Variants in IL1RAPL1 observed in about 807,000 individuals in gnomAD.
IL1RAPL1 encodes the protein interleukin-1 receptor accessory protein-like 1.
In IL1RAPL1, 3 loss-of-function variants were observed where a neutral mutation model predicts 48.4. That is an observed-to-expected ratio of 0.06 (90% confidence interval 0.03 to 0.16). IL1RAPL1 has a LOEUF of 0.16. Ranked by LOEUF, IL1RAPL1 falls within the 10% of genes least tolerant of loss-of-function variation. IL1RAPL1 has a pLI of 1.00. For missense variants in IL1RAPL1, 349 were observed against 530.6 expected (o/e 0.66, Z 3.36); for synonymous variants, 185 against 187.7 (o/e 0.99, Z 0.12).
chrX:28,784,052 T>A (rs1408214245), intron 1 of IL1RAPL1, among the ~76,000 whole-genome samples: 1 of 112,114 alleles, frequency 8.9e-6, no homozygotes, highest in East Asian at 2.8e-4. Context: ...CTTTATAATT[T>A]GTGTTTAATT....
chrX:29,811,185 GAGA>G (rs1930374520), intron 6 of IL1RAPL1, among the ~76,000 whole-genome samples: 1 of 111,074 alleles, frequency 9.0e-6, no homozygotes, highest in Non-Finnish European at 1.9e-5. Context: ...GAGGAACAGA[GAGA>G]AGTAGAAAGA....
At chrX:28,981,535 C>T (rs180833637) in intron 2 of IL1RAPL1, among the ~76,000 whole-genome samples, 1 of 111,784 alleles carries the variant, frequency 8.9e-6, no homozygotes. Context: ...ATGATTTATT[C>T]CTCAAGGCCC....
At chrX:28,760,385 T>C (rs976836873) in intron 1 of IL1RAPL1, among the ~76,000 whole-genome samples, 1 of 111,834 alleles carries the variant, frequency 8.9e-6, no homozygotes, top group South Asian at 3.7e-4. Context: ...ACAGGGGTCA[T>C]TGACAATTTG....
rs900706282 is a variant in IL1RAPL1 at position 29,662,273 on chromosome X, C to T, written c.704-6157C>T. On this transcript the variant is annotated intron_variant, in intron 5 of 10. Transcript: ENST00000378993. ...TGCTCTTCCCTCTGCCTGGCATAAA[C>T]ATCCTCCAGGTTTTGCTATGACTCA... Among the ~76,000 whole-genome samples the T allele has an allele frequency of 8.1e-5, 9 of 111,651 alleles. No homozygotes were observed. The Admixed American group carries it at 8.6e-4, about 11-fold the overall frequency.
intron 5 of IL1RAPL1, among the ~76,000 whole-genome samples, chrX:29,558,275 C>CTGATG (rs1370377084): frequency 9.0e-6 from 1 of 111,731 alleles, no homozygotes; most frequent in African/African-American, 3.2e-5. Flanking sequence ...TTGCATTTCT[C>CTGATG]TGATGATTAG....
intron 5 of IL1RAPL1, among the ~76,000 whole-genome samples, chrX:29,499,240 A>T (rs1280707338): frequency 8.9e-6 from 1 of 112,136 alleles, no homozygotes; most frequent in African/African-American, 3.2e-5. Flanking sequence ...GACAGATTTA[A>T]TCAAGAAATG....
intron 6 of IL1RAPL1, among the ~76,000 whole-genome samples, chrX:29,692,435 A>G (rs548296188): frequency 2.7e-5 from 3 of 111,805 alleles, no homozygotes; most frequent in African/African-American, 6.5e-5. Flanking sequence ...TGAGCCACTT[A>G]TAGTAAATTT....
chrX:29,754,823 C>T (rs1928572049), intron 6 of IL1RAPL1, among the ~76,000 whole-genome samples: 1 of 110,290 alleles, frequency 9.1e-6, no homozygotes, highest in Non-Finnish European at 1.9e-5. Flanking sequence ...TGTTACGTAA[C>T]AAATTAGCAC....
intron 5 of IL1RAPL1, among the ~76,000 whole-genome samples, chrX:29,668,013 T>C (rs112949299): frequency 2.0e-4 from 22 of 111,307 alleles, no homozygotes; most frequent in African/African-American, 6.9e-4. Flanking sequence ...TTAAGAATAA[T>C]GAGATAAATT....
chrX:29,614,444 T>C (rs1450172363), intron 5 of IL1RAPL1, among the ~76,000 whole-genome samples: 1 of 112,610 alleles, frequency 8.9e-6, no homozygotes, highest in East Asian at 2.8e-4. Flanking sequence ...TTATAGTATT[T>C]AGTGCATAAA....
chrX:28,932,927 C>T (rs1481496124), intron 2 of IL1RAPL1, among the ~76,000 whole-genome samples: 2 of 111,235 alleles, frequency 1.8e-5, no homozygotes, highest in Non-Finnish European at 3.8e-5. Context: ...TACTGCCAAT[C>T]TTACTCTTCC....
At chrX:29,952,335 A>G (rs752810562) in intron 9 of IL1RAPL1, among the ~76,000 whole-genome samples, 2 of 111,686 alleles carry the variant, frequency 1.8e-5, no homozygotes, top group Non-Finnish European at 3.8e-5. Context: ...ATATGCCCAA[A>G]ATAATACTAC....
chrX:28,693,608 G>T (rs778529192), intron 1 of IL1RAPL1, among the ~76,000 whole-genome samples: 130 of 112,266 alleles, frequency 1.2e-3, no homozygotes, highest in Middle Eastern at 4.6e-3. Context: ...TTACCCATTT[G>T]CAGGTATTTC....
intron 2 of IL1RAPL1, among the ~76,000 whole-genome samples, chrX:29,077,528 A>G (rs941376497): frequency 2.8e-5 from 3 of 107,887 alleles, no homozygotes; most frequent in African/African-American, 6.8e-5. Flanking sequence ...GCTTAAACCC[A>G]GGAGGCAGAG....
chrX:29,334,303 T>G (rs1231445414), intron 3 of IL1RAPL1, among the ~76,000 whole-genome samples: 397 of 41,613 alleles, frequency 9.5e-3, no homozygotes, highest in African/African-American at 0.014. Context: ...CCTCCCGGAC[T>G]GGGTGGCTGG....
intron 5 of IL1RAPL1, among the ~76,000 whole-genome samples, chrX:29,572,173 G>C (rs1237299236): frequency 9.0e-6 from 1 of 111,567 alleles, no homozygotes; most frequent in Non-Finnish European, 1.9e-5. Context: ...TTTTATTTTT[G>C]TCCAGCATTT....
chrX:29,226,901 AAAT>A (rs1260311454), intron 2 of IL1RAPL1, among the ~76,000 whole-genome samples: 1 of 111,919 alleles, frequency 8.9e-6, no homozygotes, highest in East Asian at 2.8e-4. Context: ...ATTAAAGACA[AAAT>A]AATAACATTC....
chrX:29,561,423 A>G (rs1922191517), intron 5 of IL1RAPL1, among the ~76,000 whole-genome samples: 1 of 112,080 alleles, frequency 8.9e-6, no homozygotes, highest in South Asian at 3.7e-4. Context: ...AGTAGAAACA[A>G]TGGCCCTTTG....
chrX:29,809,305 A>C (rs1930329019), intron 6 of IL1RAPL1, among the ~76,000 whole-genome samples: 2 of 104,096 alleles, frequency 1.9e-5, no homozygotes, highest in Non-Finnish European at 3.9e-5. Flanking sequence ...ACGGGGTTTC[A>C]CCATGTTAGC....
Sources: gnomAD v4.1 joint callset for allele counts (sites outside exome capture counted in the v4.1 genomes callset) on GRCh38, gnomAD v4.1.1 for gene constraint, MANE v1.5 for transcripts, NCBI Gene and HGNC (gene_info 2026-07-23, HGNC 2026-07-21) for gene names.